The following CDH8 variants were observed in gnomAD, a reference collection of about 807,000 sequenced individuals.
CDH8 encodes cadherin-8.
Under a neutral mutation model 68.1 loss-of-function variants are expected in CDH8, and 17 were observed. The observed-to-expected ratio is 0.25, with a 90% CI of 0.17 to 0.37. The LOEUF (loss-of-function observed/expected upper bound fraction) is 0.37, where lower values mean the gene tolerates loss of function less well. Among genes scored for constraint, CDH8 ranks in the 10% least tolerant of loss-of-function variants. The pLI is 1.00. For missense variants in CDH8, 763 were observed against 999.3 expected (o/e 0.76, Z 3.19); for synonymous variants, 372 against 365.1 (o/e 1.02, Z -0.21).
chr16:62,029,763 A>G (rs1597136394), intron 1 of CDH8, among the ~76,000 whole-genome samples: 1 of 152,208 alleles, frequency 6.6e-6, no homozygotes, highest in Non-Finnish European at 1.5e-5. Flanking sequence ...GAAAGTCTCT[A>G]CTAATTCCAA....
chr16:61,802,787 G>A (rs1225911193), intron 7 of CDH8, among the ~76,000 whole-genome samples: 3 of 131,324 alleles, frequency 2.3e-5, no homozygotes, highest in African/African-American at 9.0e-5. Flanking sequence ...AAAGAAATGA[G>A]CAAAGCCTCC....
intron 10 of CDH8, among the ~76,000 whole-genome samples, chr16:61,707,940 C>T (rs1964563730): frequency 6.6e-6 from 1 of 151,908 alleles, no homozygotes; most frequent in Non-Finnish European, 1.5e-5. Flanking sequence ...ATGAAACAAA[C>T]AACAAAGTGG....
At chr16:61,898,880 G>GA (rs937316808) in intron 3 of CDH8, among the ~76,000 whole-genome samples, 17 of 146,732 alleles carry the variant, frequency 1.2e-4, no homozygotes, top group Admixed American at 6.1e-4. Context: ...CAGAAAGCAG[G>GA]AAAAAAAAAT....
intron 10 of CDH8, among the ~76,000 whole-genome samples, chr16:61,663,257 C>A (rs1465416274): frequency 6.6e-6 from 1 of 151,926 alleles, no homozygotes; most frequent in African/African-American, 2.4e-5. Context: ...TATGTATGAA[C>A]TTTTATTCAG....
chr16:61,694,966 G>A (rs1172392178), intron 10 of CDH8, among the ~76,000 whole-genome samples: 2 of 152,014 alleles, frequency 1.3e-5, no homozygotes, highest in Non-Finnish European at 1.5e-5. Context: ...ATTTTTAGTA[G>A]AGACAGGGTT....
Position 61,649,340 on chromosome 16 carries a change from C to T in CDH8, c.*4268G>A, listed in dbSNP as rs898993825. 1 of 151,660 alleles carries T rather than the reference C, an allele frequency of 6.6e-6. No individual in the cohort carries two copies. Among genetic ancestry groups the T allele is most frequent in the African/African-American group, 2.4e-5 (1 of 41,320 alleles). The allele number at this position is 151,660 out of a possible 1,614,324, so 9.4% of individuals were successfully genotyped here. A position where few individuals can be genotyped will look rare whatever the true frequency, so the allele number is the denominator to read the frequency against. ...GAGAGCCACAATTTCAATTTGTTGG[C>T]AGTGCGTGAGATTATGAGATGAAAA... On this transcript the variant is annotated 3_prime_UTR_variant, in exon 12 of 12. Transcript: ENST00000577390.
chr16:61,833,950 C>G (rs901006891), intron 4 of CDH8, among the ~76,000 whole-genome samples: 1 of 151,834 alleles, frequency 6.6e-6, no homozygotes, highest in African/African-American at 2.4e-5. Flanking sequence ...CTATTTCAAC[C>G]TGTCCTGCTA....
intron 7 of CDH8, among the ~76,000 whole-genome samples, chr16:61,800,994 T>C (rs750119647): frequency 6.6e-6 from 1 of 152,082 alleles, no homozygotes; most frequent in Non-Finnish European, 1.5e-5. Flanking sequence ...CTTATGAGTA[T>C]AATAATGTTA....
intron 8 of CDH8, among the ~76,000 whole-genome samples, chr16:61,781,160 T>C (rs1961041516): frequency 1.3e-5 from 2 of 152,230 alleles, no homozygotes; most frequent in Admixed American, 1.3e-4. Context: ...CTGTTTTTCT[T>C]ACTTGTGTGG....
chr16:61,664,511 T>C (rs1426604133), intron 10 of CDH8, among the ~76,000 whole-genome samples: 1 of 152,006 alleles, frequency 6.6e-6, no homozygotes, highest in African/African-American at 2.4e-5. Context: ...TAAATAGTTA[T>C]ATGTGGTTTA....
At chr16:61,771,632 A>G (rs941680313) in intron 8 of CDH8, among the ~76,000 whole-genome samples, 9 of 151,954 alleles carry the variant, frequency 5.9e-5, no homozygotes, top group African/African-American at 9.7e-5. Flanking sequence ...TAACTGAAAG[A>G]ACAGATTGAT....
At chr16:61,913,494 A>T (rs1012928041) in intron 2 of CDH8, among the ~76,000 whole-genome samples, 2 of 152,136 alleles carry the variant, frequency 1.3e-5, no homozygotes, top group African/African-American at 4.8e-5. Context: ...CCAACCTCTC[A>T]TGGATACTGA....
chr16:61,675,713 T>G (rs978684019), intron 10 of CDH8, among the ~76,000 whole-genome samples: 23 of 151,758 alleles, frequency 1.5e-4, no homozygotes, highest in Non-Finnish European at 2.7e-4. Flanking sequence ...AATTATGACT[T>G]TATAATGTAT....
chr16:61,815,950 C>G (rs953191171), intron 7 of CDH8, among the ~76,000 whole-genome samples: 1 of 151,972 alleles, frequency 6.6e-6, no homozygotes, highest in African/African-American at 2.4e-5. Flanking sequence ...GAAATTAATG[C>G]CAATGTAAAT....
chr16:61,706,878 C>G (rs1005094243), intron 10 of CDH8, among the ~76,000 whole-genome samples: 2 of 152,062 alleles, frequency 1.3e-5, no homozygotes, highest in African/African-American at 4.8e-5. Flanking sequence ...CTTAAATATT[C>G]CACTTGCCAC....
intron 2 of CDH8, among the ~76,000 whole-genome samples, chr16:61,991,587 A>C (rs538483610): frequency 6.6e-6 from 1 of 152,330 alleles, no homozygotes; most frequent in African/African-American, 2.4e-5. Context: ...CAGGTGTGAA[A>C]CCGAGTTTCT....
intron 3 of CDH8, among the ~76,000 whole-genome samples, chr16:61,899,839 C>T (rs1347312801): frequency 2.0e-5 from 3 of 148,322 alleles, no homozygotes; most frequent in African/African-American, 7.6e-5. Context: ...AAGACACACA[C>T]ACACACACAC....
At chr16:61,868,583 T>C (rs1240937289) in intron 3 of CDH8, among the ~76,000 whole-genome samples, 1 of 152,182 alleles carries the variant, frequency 6.6e-6, no homozygotes, top group Non-Finnish European at 1.5e-5. Context: ...TATTAAACTC[T>C]CACTTAAGCT....
rs1963360892 is a variant in CDH8 at position 61,653,091 on chromosome 16, G to T, written c.*517C>A. On this transcript the variant is annotated 3_prime_UTR_variant, in exon 12 of 12. Transcript: ENST00000577390. ...GGTCACCGTACTGTATAATCTAGGA[G>T]GCCTCTCAAAACTCCAAAAAGTTAT... 1 of 1,261,996 alleles carries T rather than the reference G, an allele frequency of 7.9e-7. No homozygotes were observed. The highest frequency in any genetic ancestry group is 1.0e-6 in the Non-Finnish European group (1 of 1,004,834). 78.2% of individuals were successfully genotyped at this position (1,261,996 alleles called of 1,614,324 possible).
Sources: allele counts gnomAD v4.1 joint callset (sites outside exome capture counted in the v4.1 genomes callset), GRCh38; gene constraint gnomAD v4.1.1; transcripts MANE v1.5; gene names NCBI Gene and HGNC (gene_info 2026-07-23, HGNC 2026-07-21).